FBXL2: variants seen among roughly 807,000 people sequenced by gnomAD.
FBXL2 encodes F-box and leucine rich repeat protein 2.
FBXL2 carries 38 observed loss-of-function variants against 69.2 expected under a neutral mutation model. The ratio of observed to expected loss-of-function variants is 0.55; its 90% CI spans 0.42 to 0.72. The LOEUF (loss-of-function observed/expected upper bound fraction) is 0.72. Among genes scored for constraint, FBXL2 ranks in the 30% least tolerant of loss-of-function variants. The pLI is 0.00. For synonymous variants in FBXL2, 192 were observed against 201.3 expected (o/e 0.95, Z 0.39); for missense variants, 354 against 520.3 (o/e 0.68, Z 3.11).
chr3:33,364,645 C>A lies in FBXL2; in HGVS notation c.216C>A (p.Ile72=), dbSNP rs147163771. The A allele has an allele frequency of 9.4e-5, 151 of 1,614,180 alleles. No individual in the cohort carries two copies. In the African/African-American group the frequency reaches 1.7e-3, roughly 18 times the overall value. Residue 72 remains isoleucine, a synonymous_variant, in exon 5 of 15, where the codon ATC becomes ATA. Coordinates refer to ENST00000484457, the MANE Select transcript of FBXL2 (RefSeq NM_012157.5). ...TDVEGRVVEN[I]SKRCGGFLRK... ...TAAAGGGTCGAGTGGTGGAAAATAT[C>A]TCGAAGCGATGCGGTGGATTCCTGA...
At chr3:33,347,237 C>T (rs1382503052) in intron 2 of FBXL2, among the ~76,000 whole-genome samples, 1 of 152,120 alleles carries the variant, frequency 6.6e-6, no homozygotes, top group Non-Finnish European at 1.5e-5. Flanking sequence ...TCTGTCTGTG[C>T]CTGGCTTATT....
intron 1 of FBXL2, among the ~76,000 whole-genome samples, chr3:33,288,455 A>G (rs1333527822): frequency 5.9e-5 from 9 of 152,206 alleles, no homozygotes; most frequent in Middle Eastern, 3.2e-3. Flanking sequence ...GCTGGGTAGG[A>G]GAGAAAGAAT....
At chr3:33,344,717 A>C (rs576208434) in intron 2 of FBXL2, among the ~76,000 whole-genome samples, 1 of 152,212 alleles carries the variant, frequency 6.6e-6, no homozygotes, top group African/African-American at 2.4e-5. Flanking sequence ...AGAAAATTAA[A>C]CCAAAATTAA....
chr3:33,378,074 T>C, intron 11 of FBXL2, 29 bp from the exon 12 acceptor site: 2 of 1,612,052 alleles, frequency 1.2e-6, no homozygotes, highest in Non-Finnish European at 8.5e-7. Flanking sequence ...CTGACTCACA[T>C]GTGGGGTGTG....
chr3:33,297,814 A>G (rs568859737), intron 2 of FBXL2, 89 bp downstream of exon 2: 17 of 820,300 alleles, frequency 2.1e-5, no homozygotes, highest in African/African-American at 2.0e-4. Flanking sequence ...GTGAGTCCAT[A>G]GCATAGAAAA....
At chr3:33,383,929 T>C (rs1174348638) in intron 13 of FBXL2, 60 bp from the exon 14 acceptor site, 2 of 1,550,148 alleles carry the variant, frequency 1.3e-6, no homozygotes, top group Non-Finnish European at 1.8e-6. Context: ...AGCTTTTTTT[T>C]AGGACTTGAG....
chr3:33,407,393 G>A (rs2044455317), downstream of FBXL2, among the ~76,000 whole-genome samples: 1 of 152,160 alleles, frequency 6.6e-6, no homozygotes, highest in African/African-American at 2.4e-5. Flanking sequence ...GAGAGGAAAA[G>A]TGAGTTGCCA....
chr3:33,417,292 C>A, the FBXL2 span, among the ~76,000 whole-genome samples: 221 of 152,076 alleles, frequency 1.5e-3, 6 homozygotes, highest in East Asian at 0.032. Context: ...ATCCCTCCCC[C>A]ACCCCCCACC....
chr3:33,355,219 C>T (rs969674198), intron 2 of FBXL2, among the ~76,000 whole-genome samples: 2 of 152,120 alleles, frequency 1.3e-5, no homozygotes, highest in African/African-American at 4.8e-5. Flanking sequence ...CATGAGCCAC[C>T]ACTCGCTGCC....
In FBXL2 at chr3:33,286,938, C is replaced by T. The variant is rs531079408; in HGVS notation, c.3+9423C>T. Among the ~76,000 whole-genome samples, 242 of 152,334 alleles carry T rather than the reference C, an allele frequency of 1.6e-3. 2 individuals carry two copies. Among genetic ancestry groups the T allele is most frequent in the African/African-American group, 5.2e-3 (215 of 41,584 alleles). ...CCGATTTTCCAGGTACCATTTGTCA[C>T]GGCTTCCCTTGGCTAGGAGAGGGAA... On this transcript the variant is annotated intron_variant, in intron 1 of 14. Transcript: ENST00000484457.
intron 2 of FBXL2, among the ~76,000 whole-genome samples, chr3:33,348,136 G>A (rs1045427553): frequency 2.0e-5 from 3 of 152,026 alleles, no homozygotes; most frequent in Admixed American, 6.6e-5. Context: ...ATGCTTTCAT[G>A]TAATATTTTC....
chr3:33,400,994 G>A, intron 12 of FBXL2: 1 of 1,593,846 alleles, frequency 6.3e-7, no homozygotes, highest in Non-Finnish European at 8.5e-7. Flanking sequence ...CCATCTCCCT[G>A]ATGATTTGGG....
At chr3:33,400,772 T>C (rs1226051716) in intron 12 of FBXL2, among the ~76,000 whole-genome samples, 3 of 151,910 alleles carry the variant, frequency 2.0e-5, no homozygotes, top group Non-Finnish European at 2.9e-5. Context: ...CGTAGCAGAG[T>C]AGGATGACTA....
intron 2 of FBXL2, among the ~76,000 whole-genome samples, chr3:33,320,672 G>T (rs2038120882): frequency 6.6e-6 from 1 of 151,722 alleles, no homozygotes; most frequent in African/African-American, 2.4e-5. Context: ...GTAGAGACGG[G>T]GTTTCACCAT....
intron 12 of FBXL2, chr3:33,396,110 T>C: frequency 2.7e-6 from 4 of 1,462,168 alleles, no homozygotes; most frequent in Non-Finnish European, 3.7e-6. Context: ...TCCTTTCCGT[T>C]TCTGTCTGAC....
At chr3:33,317,310 C>T (rs977352984) in intron 2 of FBXL2, among the ~76,000 whole-genome samples, 1 of 152,170 alleles carries the variant, frequency 6.6e-6, no homozygotes, top group African/African-American at 2.4e-5. Flanking sequence ...AGAGAATACA[C>T]TTACACCTCA....
In FBXL2 at chr3:33,386,904, T is replaced by A. The variant is rs1441013290; in HGVS notation, c.*1296T>A. 1.3e-5 allele frequency: 2 copies of A among 152,174 alleles called. No individual in the cohort carries two copies. The highest frequency in any genetic ancestry group is 4.8e-5 in the African/African-American group (2 of 41,452). The allele number at this position is 152,174 out of a possible 1,614,324, so 9.4% of individuals were successfully genotyped here. On this transcript the variant is annotated 3_prime_UTR_variant, in exon 15 of 15. Coordinates refer to ENST00000484457, the MANE Select transcript of FBXL2 (RefSeq NM_012157.5). ...CCCCAAACTGAAGGGCCAGAGCTCA[T>A]GAGAAACTTAAAAGTGAAACGGCAA... is the stretch of plus-strand genomic sequence containing the variant.
chr3:33,347,160 CT>C (rs760494876), intron 2 of FBXL2, among the ~76,000 whole-genome samples: 10 of 152,152 alleles, frequency 6.6e-5, no homozygotes, highest in Non-Finnish European at 1.3e-4. Flanking sequence ...CTTCTACTCT[CT>C]ACCCCCATGA....
chr3:33,379,607 G>T (rs548687996), intron 13 of FBXL2, among the ~76,000 whole-genome samples: 233 of 150,830 alleles, frequency 1.5e-3, no homozygotes, highest in African/African-American at 5.0e-3. Flanking sequence ...CACCTGCCTC[G>T]GCCTCCCAAA....
Sources: gnomAD v4.1 joint callset for allele counts (sites outside exome capture counted in the v4.1 genomes callset) on GRCh38, gnomAD v4.1.1 for gene constraint, MANE v1.5 for transcripts, NCBI Gene and HGNC (gene_info 2026-07-23, HGNC 2026-07-21) for gene names.